The following FYN variants were observed in gnomAD, a reference collection of about 807,000 sequenced individuals.
FYN encodes the protein FYN proto-oncogene, Src family tyrosine kinase, also known as tyrosine-protein kinase Fyn.
In FYN, 10 loss-of-function variants were observed where a neutral mutation model predicts 70.2. That is an observed-to-expected ratio of 0.14 (90% CI 0.09 to 0.24). The LOEUF (loss-of-function observed/expected upper bound fraction) is 0.24, where lower values mean the gene tolerates loss of function less well. FYN is among the 10% of genes least tolerant of loss of function. FYN has a pLI of 1.00. For missense variants in FYN, 319 were observed against 673.1 expected, an observed-to-expected ratio of 0.47 and a Z score of 5.82; for synonymous variants, 236 against 248.6, an observed-to-expected ratio of 0.95 and a Z score of 0.48.
At chr6:111,867,348 G>A (rs945244947) in intron 1 of FYN, among the ~76,000 whole-genome samples, 6 of 151,526 alleles carry the variant, frequency 4.0e-5, no homozygotes, top group South Asian at 2.1e-4. Context: ...CCAGCTACTC[G>A]GGAGGCTGAG....
rs533822734 is a variant in FYN, at chr6:111,721,598, T to G, written c.-11-1536A>C. On this transcript the variant is annotated intron_variant, in intron 3 of 13. Transcript: ENST00000354650. ...TTTTGTATTTTTAGTAGAGATGGGG[T>G]TTCACCATGTTGGTCAGGCTGGTCT... Among the ~76,000 whole-genome samples, 363 of 152,060 alleles carry G rather than the reference T, an allele frequency of 2.4e-3. 1 individual carries two copies. Among genetic ancestry groups the G allele is most frequent in the African/African-American group, 8.6e-3 (355 of 41,488 alleles).
chr6:111,721,610 G>C (rs1800948239), intron 3 of FYN, among the ~76,000 whole-genome samples: 1 of 151,880 alleles, frequency 6.6e-6, no homozygotes. Context: ...TCACCATGTT[G>C]GTCAGGCTGG....
chr6:111,820,463 A>C (rs1022015347), intron 2 of FYN, among the ~76,000 whole-genome samples: 3 of 152,124 alleles, frequency 2.0e-5, no homozygotes, highest in Non-Finnish European at 2.9e-5. Context: ...CAAAATTAAT[A>C]TATTACTATT....
intron 1 of FYN, among the ~76,000 whole-genome samples, chr6:111,869,674 G>A (rs575211024): frequency 2.0e-5 from 3 of 152,324 alleles, no homozygotes; most frequent in South Asian, 4.1e-4. Context: ...GATTACAGGC[G>A]TGAGCTGCAA....
intron 3 of FYN, among the ~76,000 whole-genome samples, chr6:111,766,219 T>C (rs970288927): frequency 6.6e-5 from 10 of 152,166 alleles, no homozygotes; most frequent in Non-Finnish European, 1.2e-4. Flanking sequence ...GGGTGGTCAC[T>C]TGCCCAAGAC....
intron 2 of FYN, among the ~76,000 whole-genome samples, chr6:111,786,305 C>A (rs562249453): frequency 1.3e-5 from 2 of 151,462 alleles, no homozygotes; most frequent in African/African-American, 4.9e-5. Context: ...TGAGAACATG[C>A]GGTGTTTGGT....
At chr6:111,715,800 G>A (rs776705881) in intron 4 of FYN, among the ~76,000 whole-genome samples, 3 of 152,146 alleles carry the variant, frequency 2.0e-5, no homozygotes, top group Admixed American at 6.5e-5. Flanking sequence ...CTGACCATTC[G>A]CAGATTCCTG....
In FYN at chr6:111,685,285, G is replaced by A. The variant is rs867842487; in HGVS notation, c.1273+9090C>T. 3.9e-5 allele frequency among the ~76,000 whole-genome samples: 6 copies of A among 152,246 alleles called. No individual in the cohort carries two copies. In the South Asian group the frequency reaches 8.3e-4, roughly 21 times the overall value. ...TCAGTCTGACTTCATGCCACATGAC[G>A]AGCTGGGCTGCATGGGCAGCACTGG... On this transcript the variant is annotated intron_variant, in intron 12 of 13. Coordinates refer to ENST00000354650, the MANE Select transcript of FYN (RefSeq NM_002037.5).
chr6:111,676,609 C>T (rs937785403), intron 12 of FYN: 1 of 152,154 alleles, frequency 6.6e-6, no homozygotes. Context: ...TTGCTCTGGA[C>T]CAAACCTCAG....
chr6:111,722,944 T>C (rs1162273644), intron 3 of FYN, among the ~76,000 whole-genome samples: 1 of 152,246 alleles, frequency 6.6e-6, no homozygotes, highest in Admixed American at 6.5e-5. Flanking sequence ...TCATGCTTTC[T>C]TCAGGCGAAC....
At chr6:111,739,782 A>G (rs1382417075) in intron 3 of FYN, among the ~76,000 whole-genome samples, 1 of 152,208 alleles carries the variant, frequency 6.6e-6, no homozygotes, top group Non-Finnish European at 1.5e-5. Flanking sequence ...TATGCCAACT[A>G]CTATAAATTA....
chr6:111,716,031 T>C (rs1297577493), intron 4 of FYN, among the ~76,000 whole-genome samples: 1 of 152,256 alleles, frequency 6.6e-6, no homozygotes, highest in East Asian at 1.9e-4. Context: ...AATACACTGT[T>C]ATTAAAGCTC....
At chr6:111,798,925 A>C (rs954536538) in intron 2 of FYN, among the ~76,000 whole-genome samples, 2 of 152,186 alleles carry the variant, frequency 1.3e-5, no homozygotes, top group Non-Finnish European at 2.9e-5. Flanking sequence ...GATTAAAGGG[A>C]TATTCCATAT....
At chr6:111,791,899 A>C (rs1771636100) in intron 2 of FYN, among the ~76,000 whole-genome samples, 1 of 152,250 alleles carries the variant, frequency 6.6e-6, no homozygotes, top group African/African-American at 2.4e-5. Context: ...TGGATGAAGA[A>C]TAGAACTAAA....
chr6:111,694,792 T>C lies in FYN; in HGVS notation c.1043-88A>G. On this transcript the variant is annotated intron_variant, in intron 10 of 13. Coordinates refer to ENST00000354650, the MANE Select transcript of FYN (RefSeq NM_002037.5). The surrounding 1 kb of genome is among the most constrained non-coding windows in gnomAD (Gnocchi z 5.0). The stretch of plus-strand genomic sequence containing the variant: ...TATTTGGTTTTCTTATTAAAAGTAA[T>C]AAGGTAGTCAAATGGAATAATGCCA... 1 of 1,171,552 alleles carries C rather than the reference T, an allele frequency of 8.5e-7. No homozygotes were observed. 72.6% of individuals were successfully genotyped at this position (1,171,552 alleles called of 1,614,324 possible).
intron 2 of FYN, among the ~76,000 whole-genome samples, chr6:111,791,546 A>ACC (rs1437301860): frequency 6.6e-6 from 1 of 152,200 alleles, no homozygotes; most frequent in Non-Finnish European, 1.5e-5. Context: ...AAAAAAATCT[A>ACC]CACAGAGACA....
At chr6:111,816,200 T>G (rs915110224) in intron 2 of FYN, among the ~76,000 whole-genome samples, 2 of 152,182 alleles carry the variant, frequency 1.3e-5, no homozygotes. Flanking sequence ...TGGCATCTAT[T>G]GAAAACAAAA....
intron 2 of FYN, among the ~76,000 whole-genome samples, chr6:111,785,570 C>T (rs1456497821): frequency 6.6e-6 from 1 of 152,160 alleles, no homozygotes; most frequent in East Asian, 1.9e-4. Context: ...GCAGCCCAAC[C>T]CTATGCTTTA....
At chr6:111,763,947 C>T (rs1803106410) in intron 3 of FYN, among the ~76,000 whole-genome samples, 1 of 152,006 alleles carries the variant, frequency 6.6e-6, no homozygotes, top group South Asian at 2.1e-4. Context: ...ACAGTCAATT[C>T]AATATGCAGT....
Sources: allele counts gnomAD v4.1 joint callset (sites outside exome capture counted in the v4.1 genomes callset), GRCh38; gene constraint gnomAD v4.1.1; non-coding constraint Gnocchi (gnomAD v3.1); transcripts MANE v1.5; gene names NCBI Gene and HGNC (gene_info 2026-07-23, HGNC 2026-07-21).